CCDC17: variants seen among roughly 807,000 people sequenced by gnomAD.
CCDC17 encodes the protein coiled-coil domain containing 17.
A neutral mutation model predicts 68.0 loss-of-function variants in CCDC17; 79 were observed. That is an observed-to-expected ratio of 1.16 (90% CI 0.97 to 1.40). The LOEUF is 1.40. Among genes scored for constraint, CCDC17 ranks in the 40% most tolerant of loss-of-function variants. CCDC17 has a pLI of 0.00. For missense variants in CCDC17, 846 were observed against 811.5 expected (o/e 1.04, Z -0.52); for synonymous variants, 376 against 337.5 (o/e 1.11, Z -1.25).
chr1:45,623,128 GCGGGC>G lies in CCDC17; in HGVS notation c.494-16_494-12del, dbSNP rs764072383. ...GGCGTCGGCTCAGTTCTGAGGGAAT[GCGGGC>G]CGAGTCAGAACCGGCCCGAGCAAGC... On this transcript the variant is annotated splice_polypyrimidine_tract_variant and intron_variant, in intron 3 of 12. Transcript: ENST00000528266. 8.1e-5 allele frequency: 125 copies of G among 1,547,780 alleles called. No homozygotes were observed. The highest frequency in any genetic ancestry group is 9.8e-5 in the Non-Finnish European group (112 of 1,144,684).
chr1:45,622,278 G>A lies in CCDC17; in HGVS notation c.930C>T (p.Ile310=). ...EAENRRLEAE[I]LALQMQRGRA... ...GACCCCTCTGCATTTGCAAGGCCAA[G>A]ATTTCTGCCTCCAAGCGCCGGTTTT... is the stretch of plus-strand genomic sequence containing the variant. Residue 310 remains isoleucine (I), a synonymous_variant, in exon 7 of 13, where the codon ATC becomes ATT. Coordinates refer to ENST00000528266, the MANE Select transcript of CCDC17 (RefSeq NM_001114938.3). The A allele has an allele frequency of 6.2e-7, 1 of 1,613,148 alleles. No homozygotes were observed. Among genetic ancestry groups the A allele is most frequent in the Non-Finnish European group, 8.5e-7 (1 of 1,179,546 alleles).
chr1:45,623,949 G>T lies in CCDC17; in HGVS notation c.-40C>A. The stretch of plus-strand genomic sequence containing the variant: ...TTCCTGAAACCAGCCAAGACCTGCA[G>T]AAGGGATCAAGGGCAGGGGAAAGGC... On this transcript the variant is annotated 5_prime_UTR_variant, in exon 1 of 13. In the 5' UTR this introduces an upstream ATG that the reference lacks. Transcript: ENST00000528266. The T allele has an allele frequency of 7.2e-7, 1 of 1,396,050 alleles. No individual in the cohort carries two copies. The highest frequency in any genetic ancestry group is 9.6e-7 in the Non-Finnish European group (1 of 1,042,456). The allele number at this position is 1,396,050 out of a possible 1,614,324, so 86.5% of individuals were successfully genotyped here.
intron 6 of CCDC17, 83 bp from the exon 7 acceptor site, chr1:45,622,431 G>C (rs527286722): frequency 1.4e-5 from 20 of 1,474,818 alleles, no homozygotes; most frequent in Non-Finnish European, 1.7e-5. Flanking sequence ...CAGCGCTAAG[G>C]CTCTTCGGAT....
intron 3 of CCDC17, 41 bp downstream of exon 3, chr1:45,623,176 G>A: frequency 6.5e-7 from 1 of 1,540,774 alleles, no homozygotes; most frequent in African/African-American, 1.4e-5. Context: ...AAACGGCGAG[G>A]GCAGAGGAGG....
chr1:45,621,738 G>C lies in CCDC17; in HGVS notation c.1087-3C>G. 6.2e-7 allele frequency: 1 copy of C among 1,613,510 alleles called. No homozygotes were observed. On this transcript the variant is annotated splice_region_variant and splice_polypyrimidine_tract_variant and intron_variant, in intron 8 of 12. Coordinates refer to ENST00000528266, the MANE Select transcript of CCDC17 (RefSeq NM_001114938.3). ...GTCATTGTTCCAGGAAGCTGTGGCT[G>C]TGGGGAAGAGAGCTGACTCCTCCAG...
At position 45,620,154 on chromosome 1, in the gene CCDC17, G is replaced by C. The variant is rs954174464; in HGVS notation, c.*121C>G. On this transcript the variant is annotated 3_prime_UTR_variant, in exon 13 of 13. Transcript: ENST00000528266. ...AAGCTGTGGTTGGAACTGGTTTTCT[G>C]TACTCAACTGCTAGATGCTTCTAGA... 6.4e-5 allele frequency: 74 copies of C among 1,149,648 alleles called. No individual in the cohort carries two copies. In the African/African-American group the frequency reaches 1.1e-3, roughly 17 times the overall value. The allele number at this position is 1,149,648 out of a possible 1,614,324, so 71.2% of individuals were successfully genotyped here.
Position 45,621,058 on chromosome 1 carries a change from GC to G in CCDC17, c.1443del (p.Leu482Ter). The G allele has an allele frequency of 6.2e-7, 1 of 1,614,032 alleles. No individual in the cohort carries two copies. The highest frequency in any genetic ancestry group is 1.1e-5 in the South Asian group (1 of 91,072). ...GGCTGTGGTGCCCTAGCCCATGCTA[GC>G]CCCTGCCAGACCTGCAGCTCACAGA... The part of the protein sequence containing the change: ...SLVCELQVWQ[G>X]LAWARAPQPK... On this transcript the variant is annotated frameshift_variant, in exon 11 of 13. Transcript: ENST00000528266. LOFTEE classifies it high-confidence loss of function.
At chr1:45,622,493 G>A in intron 6 of CCDC17, 56 bp downstream of exon 6, 3 of 1,515,606 alleles carry the variant, frequency 2.0e-6, no homozygotes, top group Non-Finnish European at 1.8e-6. Flanking sequence ...GCCCTCCCTC[G>A]AGTTCTTTTC....
At chr1:45,623,468 G>C in intron 2 of CCDC17, 29 bp from the exon 3 acceptor site, 2 of 1,549,782 alleles carry the variant, frequency 1.3e-6, no homozygotes, top group Non-Finnish European at 8.7e-7. Context: ...CGCGATCTCT[G>C]CGTGGGCAGA....
Position 45,622,640 on chromosome 1 carries a change from G to A in CCDC17, c.768C>T (p.Asp256=). Residue 256 remains aspartate (D), a synonymous_variant, in exon 6 of 13, where the codon GAC becomes GAT. Coordinates refer to ENST00000528266, the MANE Select transcript of CCDC17 (RefSeq NM_001114938.3). ...CCAGCACGCCGGGGTCCCGGCCCCCGTCTCGAATGTAGGCCTCCCGCAGCG... is the reference window on the plus strand; with the variant it reads ...CCAGCACGCCGGGGTCCCGGCCCCCATCTCGAATGTAGGCCTCCCGCAGCG... ...IRALREAYIR[D]GGRDPGVLGQ... 4 of 1,556,050 alleles carry A rather than the reference G, an allele frequency of 2.6e-6. No homozygotes were observed. The highest frequency in any genetic ancestry group is 3.5e-6 in the Non-Finnish European group (4 of 1,149,738).
intron 4 of CCDC17, 55 bp from the exon 5 acceptor site, chr1:45,622,889 T>C: frequency 6.4e-7 from 1 of 1,572,966 alleles, no homozygotes; most frequent in Non-Finnish European, 8.6e-7. Context: ...GCCCCGGGGC[T>C]GCAGCCAGCC....
In CCDC17 at chr1:45,622,852, G is replaced by A. The variant is rs1301031473; in HGVS notation, c.657-18C>T. On this transcript the variant is annotated intron_variant, in intron 4 of 12. Transcript: ENST00000528266. ...GCGGGTTCCTGGGGTGGCAGGCGAC[G>A]CGCAGGGAGACGGTAACGCATCAGA... is the stretch of plus-strand genomic sequence containing the variant. 2 of 1,586,336 alleles carry A rather than the reference G, an allele frequency of 1.3e-6. No individual in the cohort carries two copies. Among genetic ancestry groups the A allele is most frequent in the Non-Finnish European group, 8.6e-7 (1 of 1,166,234 alleles).
chr1:45,622,488 C>T (rs1644302288), intron 6 of CCDC17, 61 bp downstream of exon 6: 2 of 1,508,104 alleles, frequency 1.3e-6, no homozygotes, highest in African/African-American at 1.4e-5. Flanking sequence ...CACAGGCCCT[C>T]CCTCGAGTTC....
chr1:45,621,391 C>G lies in CCDC17; in HGVS notation c.1278G>C (p.Arg426=). ...GCAACGCTGTGGTCCTTCCTGTATC[C>G]CGTCCATCGCGTGCCAAGCCAGTCC... ...QLRTGLARDG[R]DTGRTTALPP... is the part of the protein sequence containing the mutation. Residue 426 remains arginine, a synonymous_variant, in exon 10 of 13, where the codon CGG becomes CGC. Coordinates refer to ENST00000528266, the MANE Select transcript of CCDC17 (RefSeq NM_001114938.3). 1 of 1,595,122 alleles carries G rather than the reference C, an allele frequency of 6.3e-7. No homozygotes were observed. Among genetic ancestry groups the G allele is most frequent in the South Asian group, 1.1e-5 (1 of 87,726 alleles).
intron 12 of CCDC17, 73 bp from the exon 13 acceptor site, chr1:45,620,506 G>C: frequency 2.0e-6 from 3 of 1,470,320 alleles, no homozygotes; most frequent in Non-Finnish European, 2.7e-6. Flanking sequence ...AGTTAGTTAG[G>C]CTTCCTTAGA....
rs1309917348 is a variant in CCDC17 at position 45,620,636 on chromosome 1, CAG to C, written c.1710+85_1710+86del. 3.9e-6 allele frequency: 6 copies of C among 1,540,372 alleles called. No individual in the cohort carries two copies. In the African/African-American group the frequency reaches 6.9e-5, roughly 18 times the overall value. On this transcript the variant is annotated intron_variant, in intron 12 of 12. Transcript: ENST00000528266. ...GAAAGCATTGGTAATGACTGGCACACAGTGGTCAATAAAGGCTGGCCGTTAGC... is the reference window on the plus strand; with the variant it reads ...GAAAGCATTGGTAATGACTGGCACACTGGTCAATAAAGGCTGGCCGTTAGC...
chr1:45,623,527 T>C lies in CCDC17; in HGVS notation c.270+30A>G, dbSNP rs1245462053. 3 of 1,548,414 alleles carry C rather than the reference T, an allele frequency of 1.9e-6. No individual in the cohort carries two copies. In the Admixed American group the frequency reaches 5.9e-5, roughly 30 times the overall value. On this transcript the variant is annotated intron_variant, in intron 2 of 12. Coordinates refer to ENST00000528266, the MANE Select transcript of CCDC17 (RefSeq NM_001114938.3). ...GGTTTGGGGAAGACGCTCAACGTTT[T>C]GAGCCCTGGGGGAAGGTAGGTAGCT...
chr1:45,620,226 G>A lies in CCDC17; in HGVS notation c.*49C>T. 6.4e-7 allele frequency: 1 copy of A among 1,553,262 alleles called. No homozygotes were observed. Among genetic ancestry groups the A allele is most frequent in the Non-Finnish European group, 8.7e-7 (1 of 1,154,226 alleles). The stretch of plus-strand genomic sequence containing the variant: ...AGTAAACCTGTAGGTCTGGAAATAG[G>A]CCCCAGTCCTGTGCATGTTCAGATG... On this transcript the variant is annotated 3_prime_UTR_variant, in exon 13 of 13. Coordinates refer to ENST00000528266, the MANE Select transcript of CCDC17 (RefSeq NM_001114938.3).
rs531707286 is a variant in CCDC17, at chr1:45,623,272, C to T, written c.438G>A (p.Ala146=). The stretch of plus-strand genomic sequence containing the variant: ...GCGCTTCCATCTCCGCCACGCGCCT[C>T]GCGCGAGTCCTGAACAGCGCCCGCA... ...ERLRALFRTR[A]RRVAEMEAQS... is the part of the protein sequence containing the mutation. The change falls in exon 3 of 13, where the codon GCG becomes GCA. Residue 146 remains alanine, a synonymous_variant. Transcript: ENST00000528266. The T allele has an allele frequency of 4.5e-4, 694 of 1,547,024 alleles. 8 individuals are homozygous for T. The South Asian group carries it at 7.4e-3, about 17-fold the overall frequency.
Sources: gnomAD v4.1 joint callset for allele counts on GRCh38, gnomAD v4.1.1 for gene constraint, MANE v1.5 for transcripts, NCBI Gene and HGNC (gene_info 2026-07-23, HGNC 2026-07-21) for gene names.